Variants in IGFL4 observed in about 807,000 individuals in gnomAD.
IGFL4 encodes the protein insulin growth factor-like family member 4.
In IGFL4, 12 loss-of-function variants were observed where a neutral mutation model predicts 15.4. The observed-to-expected ratio is 0.78, with a 90% CI of 0.50 to 1.26. The LOEUF is 1.26. Ranked by LOEUF, IGFL4 falls within the 50% of genes most tolerant of loss-of-function variation. The pLI is 0.00. For synonymous variants in IGFL4, 54 were observed against 55.9 expected (o/e 0.97, Z 0.16); for missense variants, 126 against 147.8 (o/e 0.85, Z 0.76).
intron 1 of IGFL4, among the ~76,000 whole-genome samples, chr19:46,073,994 C>G (rs1418407511): frequency 6.6e-6 from 1 of 152,120 alleles, no homozygotes; most frequent in Non-Finnish European, 1.5e-5. Flanking sequence ...CTTTCCTTCT[C>G]TAATACATTA....
chr19:46,053,639 C>T (rs768053761), intron 2 of IGFL4, among the ~76,000 whole-genome samples: 29 of 152,058 alleles, frequency 1.9e-4, no homozygotes, highest in Non-Finnish European at 2.8e-4. Context: ...GATAAATGCC[C>T]AGTAGTAGGA....
At chr19:46,052,815 A>G (rs1194253106) in intron 2 of IGFL4, among the ~76,000 whole-genome samples, 2 of 151,822 alleles carry the variant, frequency 1.3e-5, no homozygotes, top group African/African-American at 4.8e-5. Context: ...CTTAAAATGT[A>G]CATTACATGT....
At chr19:46,073,762 C>A (rs939920326) in intron 1 of IGFL4, among the ~76,000 whole-genome samples, 1 of 152,192 alleles carries the variant, frequency 6.6e-6, no homozygotes, top group African/African-American at 2.4e-5. Flanking sequence ...CTTCTACAGT[C>A]AGGATCCTCA....
chr19:46,060,721 T>C (rs1969437121), intron 1 of IGFL4, among the ~76,000 whole-genome samples: 1 of 152,196 alleles, frequency 6.6e-6, no homozygotes, highest in Non-Finnish European at 1.5e-5. Flanking sequence ...TAAGAGTTTC[T>C]CATGATTTGG....
intron 1 of IGFL4, among the ~76,000 whole-genome samples, chr19:46,071,134 GTT>G (rs79753851): frequency 3.3e-4 from 47 of 144,190 alleles, no homozygotes; most frequent in African/African-American, 1.1e-3. Flanking sequence ...ACATGATCCT[GTT>G]TTTTTTTTTT....
intron 2 of IGFL4, among the ~76,000 whole-genome samples, chr19:46,049,799 C>A (rs1969328877): frequency 6.6e-6 from 1 of 152,178 alleles, no homozygotes; most frequent in Non-Finnish European, 1.5e-5. Context: ...TGTATCCTCC[C>A]CACACAACCA....
intron 1 of IGFL4, among the ~76,000 whole-genome samples, chr19:46,074,852 T>C (rs954032485): frequency 2.0e-5 from 3 of 152,198 alleles, no homozygotes; most frequent in Non-Finnish European, 4.4e-5. Flanking sequence ...TGACAGTCAG[T>C]ATTAACCATT....
At chr19:46,053,804 T>C (rs749570712) in intron 2 of IGFL4, among the ~76,000 whole-genome samples, 1 of 152,190 alleles carries the variant, frequency 6.6e-6, no homozygotes, top group Admixed American at 6.5e-5. Flanking sequence ...TTTTTGATAA[T>C]AGCTAACCTA....
At chr19:46,054,546 C>G (rs1351075417) in intron 2 of IGFL4, among the ~76,000 whole-genome samples, 1 of 152,156 alleles carries the variant, frequency 6.6e-6, no homozygotes, top group Non-Finnish European at 1.5e-5. Context: ...TGTGATGCTT[C>G]CAGCTTTGTT....
At chr19:46,057,216 T>C (rs1274233027) in intron 2 of IGFL4, among the ~76,000 whole-genome samples, 3 of 152,112 alleles carry the variant, frequency 2.0e-5, no homozygotes, top group Non-Finnish European at 4.4e-5. Context: ...ACTATTTTCT[T>C]ATGTTTTTTT....
At chr19:46,046,871 C>A (rs1378949217) in intron 2 of IGFL4, among the ~76,000 whole-genome samples, 1 of 152,198 alleles carries the variant, frequency 6.6e-6, no homozygotes, top group Non-Finnish European at 1.5e-5. Context: ...CAAAGATATT[C>A]AGGACCTGAA....
At position 46,056,572 on chromosome 19, in the gene IGFL4, A is replaced by G. The variant is rs1364731069; in HGVS notation, c.-323+3613T>C. On this transcript the variant is annotated intron_variant, in intron 2 of 5. Coordinates refer to the IGFL4 transcript ENST00000601672. Reference sequence around the variant, plus strand: ...ACATTCTGGAGATGCCTCCTGATGAATTGGAAAAATACTGACATGGGTGAG... The same window carrying G: ...ACATTCTGGAGATGCCTCCTGATGAGTTGGAAAAATACTGACATGGGTGAG... Among the ~76,000 whole-genome samples, 3 of 152,296 alleles carry G rather than the reference A, an allele frequency of 2.0e-5. No homozygotes were observed. In the East Asian group the frequency reaches 5.8e-4, roughly 29 times the overall value.
At chr19:46,066,600 C>G (rs907861499) in intron 1 of IGFL4, among the ~76,000 whole-genome samples, 1 of 152,186 alleles carries the variant, frequency 6.6e-6, no homozygotes, top group African/African-American at 2.4e-5. Flanking sequence ...TGGTTGGCTT[C>G]TGGTGAGGCC....
chr19:46,046,793 C>T (rs1013561823), intron 2 of IGFL4, among the ~76,000 whole-genome samples: 3 of 152,206 alleles, frequency 2.0e-5, no homozygotes, highest in African/African-American at 4.8e-5. Flanking sequence ...ACTTAAGACT[C>T]CCACACAACA....
chr19:46,042,948 G>A (rs894058992), upstream of IGFL4, among the ~76,000 whole-genome samples: 3 of 152,208 alleles, frequency 2.0e-5, no homozygotes, highest in African/African-American at 4.8e-5. Flanking sequence ...AGACCAGAGA[G>A]TGTTCTGCCA....
chr19:46,058,140 A>G (rs2146520919), intron 2 of IGFL4: 1 of 152,280 alleles, frequency 6.6e-6, no homozygotes, highest in Non-Finnish European at 1.5e-5. Context: ...AGTTCCTTCC[A>G]CCTAGGAGCC....
chr19:46,060,152 A>G (rs1202492982), intron 2 of IGFL4: 3 of 152,208 alleles, frequency 2.0e-5, no homozygotes, highest in African/African-American at 7.2e-5. Flanking sequence ...ACTTATGCAA[A>G]TAACTATATT....
At chr19:46,053,553 G>T (rs1189852359) in intron 2 of IGFL4, among the ~76,000 whole-genome samples, 1 of 152,042 alleles carries the variant, frequency 6.6e-6, no homozygotes, top group South Asian at 2.1e-4. Context: ...CCATATCTTG[G>T]TTATTGTGAA....
Position 46,075,076 on chromosome 19 carries a change from GTTTAAAGAATAA to G in IGFL4, c.-432+1932_-432+1943del, listed in dbSNP as rs987405337. Among the ~76,000 whole-genome samples, 4 of 119,436 alleles carry G rather than the reference GTTTAAAGAATAA, an allele frequency of 3.3e-5. No homozygotes were observed. The East Asian group carries it at 7.1e-4, about 21-fold the overall frequency. The allele number at this position is 119,436 out of a possible 152,430, so 78.4% of individuals were successfully genotyped here. A position where few individuals can be genotyped will look rare whatever the true frequency, so the allele number is the denominator to read the frequency against. Reference sequence around the variant, plus strand: ...AACCTACCACTTAGAGTTTTCAATAGTTTAAAGAATAATTTATTTTTAGAACAGCATTAGATT... The same window carrying G: ...AACCTACCACTTAGAGTTTTCAATAGTTTATTTTTAGAACAGCATTAGATT... On this transcript the variant is annotated intron_variant, in intron 1 of 5. Transcript: ENST00000601672.
Sources: gnomAD v4.1 joint callset for allele counts (sites outside exome capture counted in the v4.1 genomes callset) on GRCh38, gnomAD v4.1.1 for gene constraint, MANE v1.5 for transcripts, NCBI Gene and HGNC (gene_info 2026-07-23, HGNC 2026-07-21) for gene names.